XRCC4: variants seen among roughly 807,000 people sequenced by gnomAD.
XRCC4 encodes the protein DNA repair protein XRCC4.
Under a neutral mutation model 39.1 loss-of-function variants are expected in XRCC4, and 28 were observed. The ratio of observed to expected loss-of-function variants is 0.72; its 90% CI spans 0.53 to 0.98. XRCC4 has a LOEUF of 0.98. Ranked by LOEUF, XRCC4 falls within the 50% of genes least tolerant of loss-of-function variation. The probability of loss-of-function intolerance (pLI) is 0.00; values close to 1 mark genes in which losing one functional copy is unlikely to be tolerated. For missense variants in XRCC4, 350 were observed against 376.4 expected (o/e 0.93, Z 0.58); for synonymous variants, 123 against 126.4 (o/e 0.97, Z 0.18).
intron 6 of XRCC4, among the ~76,000 whole-genome samples, chr5:83,236,546 A>G (rs899165169): frequency 6.6e-6 from 1 of 152,126 alleles, no homozygotes; most frequent in Admixed American, 6.6e-5. Flanking sequence ...ATATCTCACC[A>G]TATACAAAAA....
At chr5:83,082,947 G>A (rs1194913180) in intron 1 of XRCC4, among the ~76,000 whole-genome samples, 1 of 151,998 alleles carries the variant, frequency 6.6e-6, no homozygotes, top group Non-Finnish European at 1.5e-5. Context: ...AGTACACTAG[G>A]CCTACTTCTA....
intron 3 of XRCC4, among the ~76,000 whole-genome samples, chr5:83,119,592 TA>T (rs35470697): frequency 0.35 from 53,298 of 152,056 alleles, 9,961 homozygotes; most frequent in Non-Finnish European, 0.42. Context: ...TGCCTTTATT[TA>T]AAATGTTTGC....
intron 6 of XRCC4, among the ~76,000 whole-genome samples, chr5:83,236,647 G>A (rs1035527049): frequency 3.3e-5 from 5 of 152,068 alleles, no homozygotes; most frequent in Non-Finnish European, 7.4e-5. Flanking sequence ...CAGGACATTT[G>A]TCTGGGCAAA....
chr5:83,112,468 C>T (rs572769369), intron 3 of XRCC4, among the ~76,000 whole-genome samples: 2 of 152,130 alleles, frequency 1.3e-5, no homozygotes, highest in Non-Finnish European at 2.9e-5. Context: ...CATATTGATA[C>T]ATAATAAATT....
At chr5:83,087,657 T>C (rs921297281) in intron 1 of XRCC4, among the ~76,000 whole-genome samples, 5 of 151,850 alleles carry the variant, frequency 3.3e-5, no homozygotes, top group Non-Finnish European at 5.9e-5. Flanking sequence ...AGTGAGACCC[T>C]GTGTCAAAAA....
the XRCC4 span, among the ~76,000 whole-genome samples, chr5:83,363,559 AAACTGTC>A: frequency 1.3e-5 from 2 of 152,098 alleles, no homozygotes; most frequent in Non-Finnish European, 2.9e-5. Flanking sequence ...CCTGCCTGGG[AAACTGTC>A]AAACTCCACT....
chr5:83,189,588 T>C (rs1431570502), intron 3 of XRCC4, among the ~76,000 whole-genome samples: 2 of 152,182 alleles, frequency 1.3e-5, no homozygotes, highest in Non-Finnish European at 2.9e-5. Flanking sequence ...TATGTTGTAG[T>C]TGGGAAGATG....
At chr5:83,079,682 G>A (rs1354119864) in intron 1 of XRCC4, among the ~76,000 whole-genome samples, 1 of 152,018 alleles carries the variant, frequency 6.6e-6, no homozygotes, top group Non-Finnish European at 1.5e-5. Flanking sequence ...ATGGTTGCAT[G>A]CCACCATACT....
chr5:83,323,037 A>G (rs1293137011), intron 7 of XRCC4, among the ~76,000 whole-genome samples: 1 of 152,148 alleles, frequency 6.6e-6, no homozygotes, highest in Non-Finnish European at 1.5e-5. Flanking sequence ...TATTCGAAGT[A>G]TGTGGGAGCG....
chr5:83,170,968 T>C (rs1749695636), intron 3 of XRCC4, among the ~76,000 whole-genome samples: 1 of 152,194 alleles, frequency 6.6e-6, no homozygotes, highest in African/African-American at 2.4e-5. Context: ...TGTGTCTGTA[T>C]TCTTTTCCTC....
intron 6 of XRCC4, among the ~76,000 whole-genome samples, chr5:83,245,037 A>C (rs1018175650): frequency 1.3e-5 from 2 of 152,214 alleles, no homozygotes; most frequent in African/African-American, 4.8e-5. Context: ...TTGGAACAAT[A>C]ATGTAAACCA....
chr5:83,139,732 G>T (rs906974245), intron 3 of XRCC4, among the ~76,000 whole-genome samples: 12 of 152,118 alleles, frequency 7.9e-5, no homozygotes, highest in African/African-American at 2.9e-4. Flanking sequence ...ATGTTGCTGT[G>T]CTGAGTACTG....
At chr5:83,157,479 C>T (rs1341974879) in intron 3 of XRCC4, among the ~76,000 whole-genome samples, 1 of 151,702 alleles carries the variant, frequency 6.6e-6, no homozygotes, top group African/African-American at 2.4e-5. Flanking sequence ...GTAATAAAAA[C>T]GCAGTGATCA....
At chr5:83,347,969 C>T (rs1482761942) in intron 7 of XRCC4, among the ~76,000 whole-genome samples, 1 of 152,194 alleles carries the variant, frequency 6.6e-6, no homozygotes, top group Non-Finnish European at 1.5e-5. Context: ...ACCAGCATGG[C>T]AGTCATTAAA....
intron 6 of XRCC4, among the ~76,000 whole-genome samples, chr5:83,215,006 T>G (rs919420696): frequency 1.3e-5 from 2 of 152,166 alleles, no homozygotes; most frequent in African/African-American, 4.8e-5. Flanking sequence ...AAGACTTAAG[T>G]AAATGGGAAA....
intron 3 of XRCC4, among the ~76,000 whole-genome samples, chr5:83,186,026 TCTTA>T (rs1260675608): frequency 9.2e-5 from 14 of 152,268 alleles, no homozygotes; most frequent in African/African-American, 3.1e-4. Context: ...CTTTCTGAAC[TCTTA>T]CTATGAGCAT....
chr5:83,192,610 C>T (rs185557578), intron 3 of XRCC4, among the ~76,000 whole-genome samples: 123 of 152,056 alleles, frequency 8.1e-4, no homozygotes, highest in Non-Finnish European at 1.4e-3. Context: ...CGCACCTGGC[C>T]GATTATCAAT....
chr5:83,161,853 T>G (rs2112586455), intron 3 of XRCC4, among the ~76,000 whole-genome samples: 1 of 152,340 alleles, frequency 6.6e-6, no homozygotes, highest in African/African-American at 2.4e-5. Context: ...TTTTTGGAAT[T>G]GTTATCTCAA....
chr5:83,145,461 G>A lies in XRCC4; in HGVS notation c.315+34258G>A, dbSNP rs185588701. Among the ~76,000 whole-genome samples, 138 of 152,316 alleles carry A rather than the reference G, an allele frequency of 9.1e-4. No individual in the cohort carries two copies. In the Middle Eastern group the frequency reaches 0.01, roughly 11 times the overall value. ...GTTTTCTGAGTCAGTTAACTTGGCT[G>A]TATTTCAACTTCAAACTTTGTTTCC... is the stretch of plus-strand genomic sequence containing the variant. On this transcript the variant is annotated intron_variant, in intron 3 of 7. Transcript: ENST00000396027.
Sources: gnomAD v4.1 joint callset for allele counts (sites outside exome capture counted in the v4.1 genomes callset) on GRCh38, gnomAD v4.1.1 for gene constraint, MANE v1.5 for transcripts, NCBI Gene and HGNC (gene_info 2026-07-23, HGNC 2026-07-21) for gene names.